RANBP2: variants seen among roughly 807,000 people sequenced by gnomAD.
RANBP2 encodes E3 SUMO-protein ligase RanBP2.
Under a neutral mutation model 303.6 loss-of-function variants are expected in RANBP2, and 57 were observed. That is an observed-to-expected ratio of 0.19 (90% CI 0.15 to 0.23). The LOEUF is 0.23. Ranked by LOEUF, RANBP2 falls within the 10% of genes least tolerant of loss-of-function variation. RANBP2 has a pLI of 1.00. For missense variants in RANBP2, 3,138 were observed against 3,780.8 expected (o/e 0.83, Z 4.46); for synonymous variants, 1,167 against 1,301.5 (o/e 0.90, Z 2.23).
the RANBP2 span, among the ~76,000 whole-genome samples, chr2:109,683,970 C>G: frequency 6.6e-6 from 1 of 151,492 alleles, no homozygotes; most frequent in Admixed American, 6.6e-5. Context: ...TTGACAGAGT[C>G]TCGCTCTCTC....
At chr2:109,581,429 C>G in the RANBP2 span, among the ~76,000 whole-genome samples, 1 of 150,848 alleles carries the variant, frequency 6.6e-6, no homozygotes, top group Admixed American at 6.6e-5. Context: ...AGAGTGAGAC[C>G]CTGTCTCAAA....
intron 1 of RANBP2, among the ~76,000 whole-genome samples, chr2:108,723,396 C>T (rs1694439352): frequency 6.6e-6 from 1 of 152,044 alleles, no homozygotes; most frequent in East Asian, 1.9e-4. Flanking sequence ...TCTCCTGCCC[C>T]AGCCTGTAGC....
At chr2:109,390,119 G>A in the RANBP2 span, among the ~76,000 whole-genome samples, 3 of 152,322 alleles carry the variant, frequency 2.0e-5, no homozygotes, top group South Asian at 2.1e-4. Context: ...GAGGCCATGC[G>A]GGTCCCCACC....
At chr2:109,196,801 G>C in the RANBP2 span, among the ~76,000 whole-genome samples, 1 of 152,150 alleles carries the variant, frequency 6.6e-6, no homozygotes, top group Non-Finnish European at 1.5e-5. Flanking sequence ...AATAGCATAC[G>C]GTCTGACTGC....
chr2:109,220,121 C>T, the RANBP2 span, among the ~76,000 whole-genome samples: 1 of 152,194 alleles, frequency 6.6e-6, no homozygotes, highest in Non-Finnish European at 1.5e-5. Flanking sequence ...AACAAACTGT[C>T]ACATGTATGG....
chr2:109,419,484 TC>T, the RANBP2 span: 6 of 1,523,550 alleles, frequency 3.9e-6, no homozygotes, highest in Admixed American at 1.2e-4. Flanking sequence ...CTTTTCTCTT[TC>T]CCTTGGATGG....
chr2:109,039,817 GT>G, the RANBP2 span, among the ~76,000 whole-genome samples: 6 of 150,378 alleles, frequency 4.0e-5, no homozygotes, highest in Non-Finnish European at 7.4e-5. Context: ...TTTTCTATTT[GT>G]TATGTGTATC....
chr2:109,733,439 T>C, the RANBP2 span, among the ~76,000 whole-genome samples: 1 of 104,688 alleles, frequency 9.6e-6, no homozygotes, highest in Non-Finnish European at 2.4e-5. Context: ...CATGATAGAG[T>C]GTGTTTCTGG....
the RANBP2 span, among the ~76,000 whole-genome samples, chr2:109,433,829 A>G: frequency 2.0e-4 from 30 of 152,298 alleles, no homozygotes; most frequent in African/African-American, 7.0e-4. Context: ...CGCTCAGGTG[A>G]TGCTCAGCAG....
chr2:109,349,878 A>G, the RANBP2 span, among the ~76,000 whole-genome samples: 2 of 152,276 alleles, frequency 1.3e-5, no homozygotes, highest in African/African-American at 4.8e-5. Context: ...GCTAGAGCCC[A>G]CTGGACAAGA....
chr2:109,138,193 A>T, the RANBP2 span, among the ~76,000 whole-genome samples: 1 of 152,070 alleles, frequency 6.6e-6, no homozygotes, highest in Non-Finnish European at 1.5e-5. Flanking sequence ...CGCCCGGCTA[A>T]TTTTTTAATA....
chr2:109,038,231 T>A, the RANBP2 span, among the ~76,000 whole-genome samples: 2 of 152,234 alleles, frequency 1.3e-5, no homozygotes, highest in African/African-American at 4.8e-5. Flanking sequence ...TGGACATCCA[T>A]AGGCAAAAAT....
chr2:109,433,027 G>A, the RANBP2 span, among the ~76,000 whole-genome samples: 2 of 152,282 alleles, frequency 1.3e-5, no homozygotes, highest in Non-Finnish European at 2.9e-5. Flanking sequence ...TATGCTATGC[G>A]TGTGCAGTGT....
At chr2:109,593,318 T>C in the RANBP2 span, among the ~76,000 whole-genome samples, 1 of 152,030 alleles carries the variant, frequency 6.6e-6, no homozygotes, top group East Asian at 1.9e-4. Context: ...GTAAATTACA[T>C]ATAATATTCA....
the RANBP2 span, among the ~76,000 whole-genome samples, chr2:109,092,694 T>G: frequency 6.6e-6 from 1 of 152,216 alleles, no homozygotes; most frequent in South Asian, 2.1e-4. Context: ...GGGTAGGAAA[T>G]TCTTGCCAGC....
chr2:109,499,639 A>G, the RANBP2 span, among the ~76,000 whole-genome samples: 22 of 152,306 alleles, frequency 1.4e-4, 1 homozygote, highest in South Asian at 3.7e-3. Context: ...ACAAGGCCCA[A>G]CTGGTTCGTC....
At chr2:109,322,373 A>G in the RANBP2 span, among the ~76,000 whole-genome samples, 3 of 152,228 alleles carry the variant, frequency 2.0e-5, no homozygotes, top group Admixed American at 6.5e-5. Context: ...ATGTTCCCAC[A>G]GGCAGACTAG....
the RANBP2 span, among the ~76,000 whole-genome samples, chr2:109,375,832 T>C: frequency 1.3e-5 from 2 of 152,200 alleles, no homozygotes; most frequent in African/African-American, 4.8e-5. Flanking sequence ...CCATTCCTCA[T>C]AGGCCCTGAT....
the RANBP2 span, among the ~76,000 whole-genome samples, chr2:109,340,037 T>G: frequency 1.3e-5 from 2 of 152,212 alleles, no homozygotes; most frequent in Admixed American, 6.5e-5. Context: ...AAAAGGACTA[T>G]AATTCTTATT....
Sources: allele counts gnomAD v4.1 joint callset (sites outside exome capture counted in the v4.1 genomes callset), GRCh38; gene constraint gnomAD v4.1.1; transcripts MANE v1.5; gene names NCBI Gene and HGNC (gene_info 2026-07-23, HGNC 2026-07-21).